The following FOXP1 variants were observed in gnomAD, a reference collection of about 807,000 sequenced individuals.
FOXP1 encodes forkhead box P1, also known as forkhead box protein P1.
A neutral mutation model predicts 98.2 loss-of-function variants in FOXP1; 15 were observed. The observed-to-expected ratio is 0.15, with a 90% CI of 0.10 to 0.24. The LOEUF (loss-of-function observed/expected upper bound fraction) is 0.24. FOXP1 is among the 10% of genes least tolerant of loss of function. The pLI, the probability that FOXP1 is intolerant of heterozygous loss-of-function variation, is 1.00. For missense variants in FOXP1, 633 were observed against 848.5 expected (o/e 0.75, Z 3.15); for synonymous variants, 371 against 314.5 (o/e 1.18, Z -1.90).
At chr3:71,433,747 C>T (rs1012063002) in intron 3 of FOXP1, among the ~76,000 whole-genome samples, 2 of 152,134 alleles carry the variant, frequency 1.3e-5, no homozygotes, top group African/African-American at 4.8e-5. Context: ...AGCTCCAAGC[C>T]CATCCAATCC....
intron 3 of FOXP1, among the ~76,000 whole-genome samples, chr3:71,462,246 A>G (rs1225787999): frequency 1.3e-5 from 2 of 152,224 alleles, no homozygotes; most frequent in Non-Finnish European, 2.9e-5. Context: ...TGGCCTGGAA[A>G]TGAAGTTATT....
chr3:71,009,155 C>CG (rs10546380), intron 12 of FOXP1, among the ~76,000 whole-genome samples: 320 of 20,514 alleles, frequency 0.016, 28 homozygotes, highest in Non-Finnish European at 0.03. Context: ...ATCATGGGGG[C>CG]GGGGGGGGGG....
At chr3:71,205,561 G>T (rs2063974469) in intron 5 of FOXP1, among the ~76,000 whole-genome samples, 1 of 152,154 alleles carries the variant, frequency 6.6e-6, no homozygotes, top group South Asian at 2.1e-4. Flanking sequence ...CATACAGGAG[G>T]ATCAGGTAAA....
intron 3 of FOXP1, among the ~76,000 whole-genome samples, chr3:71,399,185 C>A (rs2081775755): frequency 6.6e-6 from 1 of 152,134 alleles, no homozygotes; most frequent in South Asian, 2.1e-4. Flanking sequence ...TGTACATACA[C>A]ATATGTGTAT....
At chr3:71,124,119 T>G (rs1388166852) in intron 6 of FOXP1, among the ~76,000 whole-genome samples, 1 of 141,274 alleles carries the variant, frequency 7.1e-6, no homozygotes, top group Non-Finnish European at 1.6e-5. Flanking sequence ...GAATTTAAAA[T>G]AAAAGTTAAA....
intron 6 of FOXP1, among the ~76,000 whole-genome samples, chr3:71,181,495 C>G (rs1395719822): frequency 2.6e-5 from 4 of 152,166 alleles, no homozygotes; most frequent in African/African-American, 9.7e-5. Flanking sequence ...CTTCACTCAT[C>G]GAGTGTAGGC....
At chr3:71,212,271 AGGCTCATATATTG>A (rs2064536590) in intron 5 of FOXP1, among the ~76,000 whole-genome samples, 1 of 152,208 alleles carries the variant, frequency 6.6e-6, no homozygotes, top group African/African-American at 2.4e-5. Flanking sequence ...GAGTGGTACA[AGGCTCATATATTG>A]GGCAACTGAG....
chr3:71,130,573 T>C (rs1263994546), intron 6 of FOXP1: 1 of 1,598,278 alleles, frequency 6.3e-7, no homozygotes, highest in African/African-American at 1.3e-5. Context: ...TGTAGATGGG[T>C]TCTGGCTGTT....
intron 2 of FOXP1, among the ~76,000 whole-genome samples, chr3:71,534,193 G>A (rs920566793): frequency 6.6e-6 from 1 of 152,148 alleles, no homozygotes; most frequent in African/African-American, 2.4e-5. Flanking sequence ...GTGAAACCCT[G>A]TCTCTACTAA....
chr3:71,441,753 C>G (rs576272331), intron 3 of FOXP1, among the ~76,000 whole-genome samples: 2 of 152,290 alleles, frequency 1.3e-5, no homozygotes, highest in East Asian at 3.9e-4. Context: ...GGCACCAGTG[C>G]TCAACAAGAC....
intron 4 of FOXP1, among the ~76,000 whole-genome samples, chr3:71,350,913 A>G (rs1317174407): frequency 6.6e-6 from 1 of 152,014 alleles, no homozygotes; most frequent in Non-Finnish European, 1.5e-5. Flanking sequence ...GCCTTTAGAG[A>G]TGGACACATG....
At chr3:70,961,977 C>T (rs2033644579) in intron 20 of FOXP1, among the ~76,000 whole-genome samples, 1 of 152,192 alleles carries the variant, frequency 6.6e-6, no homozygotes, top group Admixed American at 6.5e-5. Context: ...GCATGTCACA[C>T]ACCTGTGAAC....
chr3:71,189,377 T>C (rs1410366517), intron 6 of FOXP1, among the ~76,000 whole-genome samples: 2 of 152,226 alleles, frequency 1.3e-5, no homozygotes, highest in East Asian at 3.8e-4. Context: ...ATGTATTCAT[T>C]AGTAACTGTC....
chr3:71,372,700 C>T (rs1467531135), intron 3 of FOXP1, among the ~76,000 whole-genome samples: 1 of 152,186 alleles, frequency 6.6e-6, no homozygotes, highest in East Asian at 1.9e-4. Context: ...ATATACCATG[C>T]TATCCTTCCA....
intron 6 of FOXP1, chr3:71,130,409 G>T (rs1204468296): frequency 2.3e-6 from 3 of 1,295,984 alleles, no homozygotes; most frequent in Non-Finnish European, 3.3e-6. Context: ...ACCTTATTTC[G>T]CCCTTCAGAG....
intron 4 of FOXP1, among the ~76,000 whole-genome samples, chr3:71,343,838 A>G (rs955077397): frequency 6.6e-5 from 10 of 152,192 alleles, no homozygotes; most frequent in Non-Finnish European, 1.3e-4. Context: ...GCGTTCAATT[A>G]GATTTTCTGA....
intron 7 of FOXP1, among the ~76,000 whole-genome samples, chr3:71,103,840 T>G (rs980316627): frequency 1.3e-5 from 2 of 152,196 alleles, no homozygotes; most frequent in Non-Finnish European, 2.9e-5. Flanking sequence ...TATCGCACAC[T>G]GTGAGACTCA....
intron 3 of FOXP1, among the ~76,000 whole-genome samples, chr3:71,390,295 C>A (rs2080934625): frequency 6.6e-6 from 1 of 152,116 alleles, no homozygotes; most frequent in African/African-American, 2.4e-5. Flanking sequence ...GAAAAAATCA[C>A]CCAGACAAAA....
intron 3 of FOXP1, among the ~76,000 whole-genome samples, chr3:71,423,895 C>A (rs1345015667): frequency 6.6e-6 from 1 of 152,164 alleles, no homozygotes; most frequent in Non-Finnish European, 1.5e-5. Flanking sequence ...CCTAAATATA[C>A]CCGCAAGTCC....
Sources: gnomAD v4.1 joint callset for allele counts (sites outside exome capture counted in the v4.1 genomes callset) on GRCh38, gnomAD v4.1.1 for gene constraint, MANE v1.5 for transcripts, NCBI Gene and HGNC (gene_info 2026-07-23, HGNC 2026-07-21) for gene names.